Variants in PTPRD observed in about 807,000 individuals in gnomAD.
The protein encoded by PTPRD is protein tyrosine phosphatase receptor type D.
A neutral mutation model predicts 214.5 loss-of-function variants in PTPRD; 34 were observed. The ratio of observed to expected loss-of-function variants is 0.16; its 90% CI spans 0.12 to 0.21. PTPRD has a LOEUF of 0.21. Among genes scored for constraint, PTPRD ranks in the 10% least tolerant of loss-of-function variants. PTPRD has a pLI of 1.00. For synonymous variants in PTPRD, 1,128 were observed against 845.7 expected (o/e 1.33, Z -5.79); for missense variants, 2,545 against 2,398.7 (o/e 1.06, Z -1.27).
chr9:8,869,482 A>G (rs535599792), intron 11 of PTPRD, among the ~76,000 whole-genome samples: 115 of 152,306 alleles, frequency 7.6e-4, no homozygotes, highest in African/African-American at 2.7e-3. Flanking sequence ...CACTGATTTT[A>G]TGGCTGACCC....
rs368055055 is a variant in PTPRD at position 8,691,624 on chromosome 9, T to C, written c.64+42156A>G. Among the ~76,000 whole-genome samples the C allele has an allele frequency of 3.4e-4, 52 of 152,294 alleles. 1 individual carries two copies. In the East Asian group the frequency reaches 5.8e-3, roughly 17 times the overall value. On this transcript the variant is annotated intron_variant, in intron 12 of 45. Coordinates refer to ENST00000381196, the MANE Select transcript of PTPRD (RefSeq NM_002839.4). Reference sequence around the variant, plus strand: ...TGATTTGCCTGAATATACTTATTGGTACAAACAGCATTCTGAATTATCCTT... The same window carrying C: ...TGATTTGCCTGAATATACTTATTGGCACAAACAGCATTCTGAATTATCCTT...
At chr9:10,431,995 T>C (rs1427112139) in intron 2 of PTPRD, among the ~76,000 whole-genome samples, 1 of 152,022 alleles carries the variant, frequency 6.6e-6, no homozygotes, top group East Asian at 1.9e-4. Context: ...CGTATGTTTA[T>C]TGTGGCATTA....
At chr9:10,221,045 T>G (rs1350736896) in intron 3 of PTPRD, among the ~76,000 whole-genome samples, 1 of 152,030 alleles carries the variant, frequency 6.6e-6, no homozygotes, top group Non-Finnish European at 1.5e-5. Flanking sequence ...TACTAGTGGT[T>G]TGAGATGCTG....
At chr9:9,946,955 T>C (rs1444994581) in intron 4 of PTPRD, among the ~76,000 whole-genome samples, 3 of 151,952 alleles carry the variant, frequency 2.0e-5, no homozygotes, top group Admixed American at 6.6e-5. Context: ...ATAACGATTA[T>C]ATATATTAAA....
At chr9:9,620,788 T>A (rs908233968) in intron 7 of PTPRD, among the ~76,000 whole-genome samples, 1 of 152,038 alleles carries the variant, frequency 6.6e-6, no homozygotes, top group Non-Finnish European at 1.5e-5. Context: ...GACATAGAAC[T>A]TTATCGTCAG....
intron 10 of PTPRD, among the ~76,000 whole-genome samples, chr9:9,020,725 G>C (rs538009758): frequency 6.6e-6 from 1 of 152,252 alleles, no homozygotes; most frequent in African/African-American, 2.4e-5. Context: ...AGAAGCCAGA[G>C]GATAAGTCTG....
At position 9,970,429 on chromosome 9, in the gene PTPRD, CA is replaced by C. The variant is rs35445219; in HGVS notation, c.-471-31820del. Among the ~76,000 whole-genome samples, 297 of 92,122 alleles carry C rather than the reference CA, an allele frequency of 3.2e-3. 4 individuals are homozygous for C. The South Asian group carries it at 0.047, about 14-fold the overall frequency. The allele number at this position is 92,122 out of a possible 152,430, so 60.4% of individuals were successfully genotyped here. A position where few individuals can be genotyped will look rare whatever the true frequency, so the allele number is the denominator to read the frequency against. On this transcript the variant is annotated intron_variant, in intron 4 of 45. Transcript: ENST00000381196. ...CCTGGGCGACAGCGAGACTCCTTCT[CA>C]AAAAAAAAAAAAAGAAAAAGAAAAA...
At chr9:9,398,461 G>C (rs2068772326) in intron 8 of PTPRD, among the ~76,000 whole-genome samples, 1 of 152,000 alleles carries the variant, frequency 6.6e-6, no homozygotes, top group Admixed American at 6.6e-5. Context: ...TTAGTGTATA[G>C]ATAGCATATG....
intron 12 of PTPRD, among the ~76,000 whole-genome samples, chr9:8,658,467 T>G (rs1219990999): frequency 2.0e-5 from 3 of 152,120 alleles, no homozygotes; most frequent in African/African-American, 7.2e-5. Flanking sequence ...CAATGAGCAG[T>G]TTTTAATAAG....
At chr9:10,024,677 C>T (rs567653077) in intron 4 of PTPRD, among the ~76,000 whole-genome samples, 27 of 151,200 alleles carry the variant, frequency 1.8e-4, no homozygotes, top group East Asian at 3.9e-4. Flanking sequence ...ATGTGCACAA[C>T]GTGCAGGTTT....
At chr9:9,674,669 T>C (rs1219395815) in intron 7 of PTPRD, among the ~76,000 whole-genome samples, 1 of 151,792 alleles carries the variant, frequency 6.6e-6, no homozygotes, top group Non-Finnish European at 1.5e-5. Context: ...ATTATATTAA[T>C]CTTAGGCAAA....
intron 12 of PTPRD, among the ~76,000 whole-genome samples, chr9:8,662,650 A>C (rs916901383): frequency 1.3e-5 from 2 of 152,120 alleles, no homozygotes; most frequent in Non-Finnish European, 2.9e-5. Flanking sequence ...AGACTCACCA[A>C]TTCACCATAG....
At chr9:9,552,168 G>C (rs1269796758) in intron 8 of PTPRD, among the ~76,000 whole-genome samples, 2 of 151,984 alleles carry the variant, frequency 1.3e-5, no homozygotes, top group African/African-American at 2.4e-5. Flanking sequence ...CAAAGGCTCA[G>C]AGAGGTAAAT....
intron 2 of PTPRD, among the ~76,000 whole-genome samples, chr9:10,576,458 C>A (rs1480593949): frequency 2.0e-5 from 3 of 151,874 alleles, no homozygotes; most frequent in Admixed American, 6.6e-5. Context: ...GATTTTTGGG[C>A]AAGAAATTCA....
At chr9:9,759,688 G>A (rs2098633950) in intron 6 of PTPRD, among the ~76,000 whole-genome samples, 1 of 150,940 alleles carries the variant, frequency 6.6e-6, no homozygotes, top group South Asian at 2.1e-4. Context: ...CTCCCAAGTA[G>A]CTGAGATTAC....
At chr9:10,459,657 A>G (rs1410200249) in intron 2 of PTPRD, among the ~76,000 whole-genome samples, 1 of 151,942 alleles carries the variant, frequency 6.6e-6, no homozygotes, top group African/African-American at 2.4e-5. Flanking sequence ...ACCCGTGATG[A>G]AGAGCTTTTT....
At chr9:8,358,566 C>G (rs912432608) in intron 39 of PTPRD, among the ~76,000 whole-genome samples, 8 of 151,964 alleles carry the variant, frequency 5.3e-5, no homozygotes, top group East Asian at 1.9e-4. Context: ...AAATGTAAAC[C>G]TATTTCCTAA....
chr9:9,645,611 C>T (rs115118947), intron 7 of PTPRD, among the ~76,000 whole-genome samples: 3,958 of 151,844 alleles, frequency 0.026, 175 homozygotes, highest in African/African-American at 0.092. Context: ...TGCTACAAAA[C>T]AAAAACATAA....
intron 3 of PTPRD, among the ~76,000 whole-genome samples, chr9:10,234,746 C>T (rs1001562039): frequency 1.6e-4 from 25 of 151,850 alleles, no homozygotes; most frequent in African/African-American, 5.5e-4. Context: ...AGATGAGGTT[C>T]GGTAGAGAAT....
Sources: gnomAD v4.1 joint callset for allele counts (sites outside exome capture counted in the v4.1 genomes callset) on GRCh38, gnomAD v4.1.1 for gene constraint, MANE v1.5 for transcripts, NCBI Gene and HGNC (gene_info 2026-07-23, HGNC 2026-07-21) for gene names.